The following SH3RF3 variants were observed in gnomAD, a reference collection of about 807,000 sequenced individuals.
The protein encoded by SH3RF3 is SH3 domain containing ring finger 3.
SH3RF3 carries 29 observed loss-of-function variants against 66.3 expected under a neutral mutation model. That is an observed-to-expected ratio of 0.44 (90% CI 0.33 to 0.60). The LOEUF (loss-of-function observed/expected upper bound fraction) is 0.60. SH3RF3 is among the 20% of genes least tolerant of loss of function. The pLI is 0.04. For missense variants in SH3RF3, 1,194 were observed against 1,190.9 expected (o/e 1.00, Z -0.04); for synonymous variants, 583 against 532.0 (o/e 1.10, Z -1.32).
intron 5 of SH3RF3, among the ~76,000 whole-genome samples, chr2:109,425,152 C>A (rs1676993553): frequency 1.3e-5 from 2 of 152,208 alleles, no homozygotes; most frequent in Non-Finnish European, 2.9e-5. Flanking sequence ...TAATCCAAAG[C>A]AAGGCCCTAA....
intron 1 of SH3RF3, among the ~76,000 whole-genome samples, chr2:109,271,374 C>T (rs1028735979): frequency 6.6e-6 from 1 of 152,234 alleles, no homozygotes; most frequent in African/African-American, 2.4e-5. Context: ...AAGAAAATCT[C>T]AACCCAAAAG....
At chr2:109,169,217 A>C (rs1007652703) in intron 1 of SH3RF3, among the ~76,000 whole-genome samples, 9 of 152,214 alleles carry the variant, frequency 5.9e-5, no homozygotes, top group Non-Finnish European at 7.3e-5. Context: ...CTATGGGACA[A>C]ACAGTGCTGG....
At chr2:109,206,347 C>T (rs190030248) in intron 1 of SH3RF3, among the ~76,000 whole-genome samples, 168 of 151,814 alleles carry the variant, frequency 1.1e-3, no homozygotes, top group African/African-American at 3.9e-3. Flanking sequence ...AAAAATTTGC[C>T]GGGCTTGGTG....
chr2:109,431,071 C>A lies in SH3RF3; in HGVS notation c.1404-1430C>A, dbSNP rs150224638. Among the ~76,000 whole-genome samples, 90 of 152,304 alleles carry A rather than the reference C, an allele frequency of 5.9e-4. No individual in the cohort carries two copies. In the East Asian group the frequency reaches 0.017, roughly 28 times the overall value. On this transcript the variant is annotated intron_variant, in intron 5 of 9. Transcript: ENST00000309415. Reference sequence around the variant, plus strand: ...GTTCTCCTGCTATTCCAGAATATTCCACACTGGTTCTTTTTTCCTGCTTGA... The same window carrying A: ...GTTCTCCTGCTATTCCAGAATATTCAACACTGGTTCTTTTTTCCTGCTTGA...
At chr2:109,361,587 C>T (rs755711334) in intron 2 of SH3RF3, among the ~76,000 whole-genome samples, 2 of 152,132 alleles carry the variant, frequency 1.3e-5, no homozygotes, top group Non-Finnish European at 2.9e-5. Context: ...AATTCTCCTG[C>T]CTCAGCCTCC....
intron 1 of SH3RF3, among the ~76,000 whole-genome samples, chr2:109,330,296 C>T (rs946383092): frequency 2.0e-5 from 3 of 152,166 alleles, no homozygotes; most frequent in East Asian, 1.9e-4. Context: ...GATGTTATTG[C>T]GAAACTAAAG....
chr2:109,268,742 TA>T (rs11428324), intron 1 of SH3RF3, among the ~76,000 whole-genome samples: 47,179 of 150,034 alleles, frequency 0.31, 7,756 homozygotes, highest in East Asian at 0.49. Context: ...TACTTTATTA[TA>T]AAAAAAAAAA....
chr2:109,226,785 G>A (rs1679384375), intron 1 of SH3RF3, among the ~76,000 whole-genome samples: 1 of 152,164 alleles, frequency 6.6e-6, no homozygotes, highest in South Asian at 2.1e-4. Context: ...TGCCATTAAG[G>A]AACTTGTGGC....
In SH3RF3 at chr2:109,341,964, G is replaced by A. The variant is rs144606191; in HGVS notation, c.574-5710G>A. ...AAGTGGGTATCAGGGGTCATTAGCT[G>A]TCTCTGACCCATTCTCAGACCCCGC... On this transcript the variant is annotated intron_variant, in intron 1 of 9. Coordinates refer to ENST00000309415, the MANE Select transcript of SH3RF3 (RefSeq NM_001099289.3). Among the ~76,000 whole-genome samples the A allele has an allele frequency of 5.3e-4, 80 of 152,340 alleles. No individual in the cohort carries two copies. In the East Asian group the frequency reaches 0.014, roughly 26 times the overall value.
chr2:109,164,473 A>T (rs1043818046), intron 1 of SH3RF3, among the ~76,000 whole-genome samples: 5 of 152,208 alleles, frequency 3.3e-5, no homozygotes, highest in Non-Finnish European at 7.3e-5. Flanking sequence ...TGTGAGCCAC[A>T]GTATTTGGCC....
rs537305068 is a variant in SH3RF3 at position 109,399,431 on chromosome 2, A to G, written c.1299+488A>G. 6.7e-5 allele frequency among the ~76,000 whole-genome samples: 10 copies of G among 149,138 alleles called. No homozygotes were observed. The South Asian group carries it at 2.2e-3, about 33-fold the overall frequency. ...GTTTCTACAGATACCTTCTATTTCTAGACTCCATTTCCACTAGTTTTTTTT... is the reference window on the plus strand; with the variant it reads ...GTTTCTACAGATACCTTCTATTTCTGGACTCCATTTCCACTAGTTTTTTTT... On this transcript the variant is annotated intron_variant, in intron 4 of 9. Transcript: ENST00000309415.
chr2:109,178,697 T>C (rs958123547), intron 1 of SH3RF3, among the ~76,000 whole-genome samples: 2 of 152,214 alleles, frequency 1.3e-5, no homozygotes, highest in Admixed American at 6.5e-5. Context: ...GTCAAAGTTC[T>C]TGTGTCGTTC....
At chr2:109,154,447 C>T (rs988192977) in intron 1 of SH3RF3, among the ~76,000 whole-genome samples, 4 of 152,162 alleles carry the variant, frequency 2.6e-5, no homozygotes, top group Admixed American at 6.5e-5. Flanking sequence ...ATCATGGGCA[C>T]GGCTCCTGGG....
At chr2:109,236,867 C>T (rs2105204892) in intron 1 of SH3RF3, among the ~76,000 whole-genome samples, 1 of 152,286 alleles carries the variant, frequency 6.6e-6, no homozygotes, top group African/African-American at 2.4e-5. Context: ...CTGTGAAACG[C>T]TGCAGTGACC....
chr2:109,349,405 C>A (rs756295271), intron 2 of SH3RF3, among the ~76,000 whole-genome samples: 35 of 152,142 alleles, frequency 2.3e-4, no homozygotes, highest in Non-Finnish European at 3.7e-4. Flanking sequence ...CTGGTGCCTC[C>A]CTCCCTCCCC....
At chr2:109,204,984 G>T (rs1362541108) in intron 1 of SH3RF3, among the ~76,000 whole-genome samples, 1 of 152,154 alleles carries the variant, frequency 6.6e-6, no homozygotes, top group African/African-American at 2.4e-5. Flanking sequence ...GAGGCAGGAG[G>T]ATCACTTGAA....
intron 3 of SH3RF3, among the ~76,000 whole-genome samples, chr2:109,377,556 G>A (rs949751151): frequency 2.0e-5 from 3 of 152,170 alleles, no homozygotes; most frequent in Admixed American, 6.5e-5. Context: ...ATATGGTGTG[G>A]TGTTTGGGAA....
At chr2:109,325,335 T>TTTC (rs1682128624) in intron 1 of SH3RF3, among the ~76,000 whole-genome samples, 1 of 37,136 alleles carries the variant, frequency 2.7e-5, no homozygotes, top group African/African-American at 6.0e-5. Flanking sequence ...TTCTTTCTTT[T>TTTC]TTTTTTTTTT....
chr2:109,168,942 TC>T (rs1677692717), intron 1 of SH3RF3, among the ~76,000 whole-genome samples: 1 of 152,212 alleles, frequency 6.6e-6, no homozygotes, highest in African/African-American at 2.4e-5. Context: ...CATCATCTTC[TC>T]GAGGGCTCAG....
Sources: gnomAD v4.1 joint callset for allele counts (sites outside exome capture counted in the v4.1 genomes callset) on GRCh38, gnomAD v4.1.1 for gene constraint, MANE v1.5 for transcripts, NCBI Gene and HGNC (gene_info 2026-07-23, HGNC 2026-07-21) for gene names.